The following FRMD4B variants were observed in gnomAD, a reference collection of about 807,000 sequenced individuals.
FRMD4B encodes the protein FERM domain containing 4B.
Under a neutral mutation model 141.5 loss-of-function variants are expected in FRMD4B, and 74 were observed. That is an observed-to-expected ratio of 0.52 (90% CI 0.43 to 0.63). The LOEUF (loss-of-function observed/expected upper bound fraction) is 0.63, where lower values mean the gene tolerates loss of function less well. Ranked by LOEUF, FRMD4B falls within the 30% of genes least tolerant of loss-of-function variation. FRMD4B has a pLI of 0.00. For synonymous variants in FRMD4B, 506 were observed against 467.9 expected (o/e 1.08, Z -1.05); for missense variants, 1,366 against 1,253.4 (o/e 1.09, Z -1.36).
intron 5 of FRMD4B, among the ~76,000 whole-genome samples, chr3:69,273,603 T>G (rs564972548): frequency 1.3e-5 from 2 of 152,224 alleles, no homozygotes; most frequent in African/African-American, 4.8e-5. Context: ...TTACTCAGAA[T>G]TGATTTTTAA....
At chr3:69,187,574 T>C (rs138246101) in intron 19 of FRMD4B, among the ~76,000 whole-genome samples, 196 bp downstream of exon 19, 2,516 of 146,978 alleles carry the variant, frequency 0.017, 79 homozygotes, top group African/African-American at 0.057. Flanking sequence ...TATACATATA[T>C]ATATATGTAT....
chr3:69,377,800 C>T (rs1322035169), intron 1 of FRMD4B, among the ~76,000 whole-genome samples: 1 of 147,652 alleles, frequency 6.8e-6, no homozygotes, highest in Non-Finnish European at 1.5e-5. Flanking sequence ...TCTGCTTAAT[C>T]CTACTTCTTC....
chr3:69,519,511 T>C (rs1372304080), intron 1 of FRMD4B, among the ~76,000 whole-genome samples: 1 of 152,190 alleles, frequency 6.6e-6, no homozygotes, highest in African/African-American at 2.4e-5. Context: ...CAATACTCTA[T>C]TCCTCCTCAT....
chr3:69,184,077 AT>A (rs1437057949), intron 19 of FRMD4B, among the ~76,000 whole-genome samples: 1 of 150,920 alleles, frequency 6.6e-6, no homozygotes. Context: ...TATTTTTTTT[AT>A]TTTTTTTATT....
intron 1 of FRMD4B, among the ~76,000 whole-genome samples, chr3:69,350,248 G>A (rs1703092600): frequency 6.6e-6 from 1 of 152,184 alleles, no homozygotes; most frequent in African/African-American, 2.4e-5. Context: ...GGCCATCAGA[G>A]AAATGCAAAT....
intron 1 of FRMD4B, among the ~76,000 whole-genome samples, chr3:69,530,365 C>G (rs776548744): frequency 6.6e-6 from 1 of 152,180 alleles, no homozygotes; most frequent in Non-Finnish European, 1.5e-5. Context: ...TTGGTTTTCA[C>G]AAGAGCTAGT....
chr3:69,481,043 C>T (rs1017400019), intron 1 of FRMD4B, among the ~76,000 whole-genome samples: 1 of 152,168 alleles, frequency 6.6e-6, no homozygotes, highest in South Asian at 2.1e-4. Context: ...CCTGGTGCGC[C>T]GTTTTTTAAG....
intron 11 of FRMD4B, among the ~76,000 whole-genome samples, chr3:69,209,722 A>G (rs1424009908): frequency 6.6e-6 from 1 of 152,256 alleles, no homozygotes; most frequent in Non-Finnish European, 1.5e-5. Flanking sequence ...CACACTTTAT[A>G]AACAGGATGG....
upstream of FRMD4B, among the ~76,000 whole-genome samples, chr3:69,387,848 A>G (rs1256659894): frequency 6.6e-6 from 1 of 152,240 alleles, no homozygotes; most frequent in African/African-American, 2.4e-5. Flanking sequence ...TTAATAGGAC[A>G]CAAGACTTGG....
chr3:69,484,538 C>A (rs1047583160), intron 1 of FRMD4B, among the ~76,000 whole-genome samples: 2 of 152,062 alleles, frequency 1.3e-5, no homozygotes, highest in South Asian at 2.1e-4. Flanking sequence ...TCAGAGGAGA[C>A]CCGCAGTGAT....
chr3:69,385,669 A>G (rs1463712708), intron 1 of FRMD4B, among the ~76,000 whole-genome samples, 159 bp downstream of exon 1: 1 of 152,156 alleles, frequency 6.6e-6, no homozygotes, highest in East Asian at 1.9e-4. Flanking sequence ...CTGTCAAGCA[A>G]TAATTACCTA....
intron 7 of FRMD4B, among the ~76,000 whole-genome samples, chr3:69,235,150 AAATAAT>A (rs55995422): frequency 0.19 from 25,305 of 133,868 alleles, 2,491 homozygotes; most frequent in Non-Finnish European, 0.2. Flanking sequence ...ACCCTGTCTC[AAATAAT>A]AATAATAATA....
At chr3:69,320,701 C>T (rs896297340) in intron 1 of FRMD4B, among the ~76,000 whole-genome samples, 3 of 152,068 alleles carry the variant, frequency 2.0e-5, no homozygotes, top group Non-Finnish European at 4.4e-5. Context: ...CAGAATTGAC[C>T]CCTACCTAGT....
intron 1 of FRMD4B, among the ~76,000 whole-genome samples, chr3:69,524,461 T>C (rs899200611): frequency 6.6e-6 from 1 of 152,222 alleles, no homozygotes; most frequent in Non-Finnish European, 1.5e-5. Context: ...TGAGGCTTTA[T>C]ATCAGTTAGA....
chr3:69,170,993 A>T lies in FRMD4B; in HGVS notation c.*868T>A, dbSNP rs2092581098. 12 of 152,072 alleles carry T rather than the reference A, an allele frequency of 7.9e-5. No homozygotes were observed. The highest frequency in any genetic ancestry group is 7.9e-4 in the Admixed American group (12 of 15,260). The allele number at this position is 152,072 out of a possible 1,614,324, so 9.4% of individuals were successfully genotyped here. A position where few individuals can be genotyped will look rare whatever the true frequency, so the allele number is the denominator to read the frequency against. On this transcript the variant is annotated 3_prime_UTR_variant, in exon 23 of 23. Transcript: ENST00000398540. Reference sequence around the variant, plus strand: ...CATCTTAAAATGCTTTTTCAAACTCATAATTATAAAAACTTTCCATATTAA... The same window carrying T: ...CATCTTAAAATGCTTTTTCAAACTCTTAATTATAAAAACTTTCCATATTAA...
intron 1 of FRMD4B, among the ~76,000 whole-genome samples, chr3:69,325,101 G>GAAAGAA (rs2107303153): frequency 6.6e-6 from 1 of 151,076 alleles, no homozygotes; most frequent in South Asian, 2.1e-4. Flanking sequence ...AAGAAAGAAA[G>GAAAGAA]AAAGAAAGAA....
At chr3:69,250,244 G>A (rs1216029634) in intron 5 of FRMD4B, 145 bp from the exon 6 acceptor site, 4 of 714,872 alleles carry the variant, frequency 5.6e-6, no homozygotes, top group Middle Eastern at 2.7e-4. Context: ...GAAAGTGGGG[G>A]GTGTGGAGAG....
intron 5 of FRMD4B, among the ~76,000 whole-genome samples, chr3:69,262,994 C>T (rs984290389): frequency 6.6e-6 from 1 of 152,170 alleles, no homozygotes; most frequent in African/African-American, 2.4e-5. Flanking sequence ...CACGGTGGCT[C>T]ACGCCTGTCA....
intron 2 of FRMD4B, among the ~76,000 whole-genome samples, chr3:69,413,056 G>A (rs2106786251): frequency 6.6e-6 from 1 of 151,854 alleles, no homozygotes; most frequent in East Asian, 1.9e-4. Context: ...TAATTCCATT[G>A]TCTATGATAA....
Sources: gnomAD v4.1 joint callset for allele counts (sites outside exome capture counted in the v4.1 genomes callset) on GRCh38, gnomAD v4.1.1 for gene constraint, MANE v1.5 for transcripts, NCBI Gene and HGNC (gene_info 2026-07-23, HGNC 2026-07-21) for gene names.